The following MYO16 variants were observed in gnomAD, a reference collection of about 807,000 sequenced individuals.
MYO16 encodes unconventional myosin-XVI.
A neutral mutation model predicts 205.3 loss-of-function variants in MYO16; 94 were observed. The observed-to-expected ratio is 0.46, with a 90% CI of 0.39 to 0.54. The LOEUF (loss-of-function observed/expected upper bound fraction) is 0.54. Ranked by LOEUF, MYO16 falls within the 20% of genes least tolerant of loss-of-function variation. The pLI is 0.00. For synonymous variants in MYO16, 988 were observed against 954.0 expected (o/e 1.04, Z -0.66); for missense variants, 2,315 against 2,387.5 (o/e 0.97, Z 0.63).
At chr13:108,517,465 A>G in the MYO16 span, among the ~76,000 whole-genome samples, 178 of 152,318 alleles carry the variant, frequency 1.2e-3, 1 homozygote, top group Admixed American at 2.7e-3. Flanking sequence ...CAAAATATCA[A>G]TGGTGCATGT....
chr13:108,822,731 C>G (rs552989040), intron 8 of MYO16, among the ~76,000 whole-genome samples: 2 of 152,242 alleles, frequency 1.3e-5, no homozygotes, highest in East Asian at 3.9e-4. Flanking sequence ...CAGTTACATG[C>G]TTTATAACCC....
At position 108,971,110 on chromosome 13, in the gene MYO16, A is replaced by G. The variant is rs977579018; in HGVS notation, c.2369+6208A>G. ...TTTTGCAAGCTCTAAAATTGGGCCT[A>G]TTTTATAACGCAGCACTTACATCCC... is the stretch of plus-strand genomic sequence containing the variant. On this transcript the variant is annotated intron_variant, in intron 20 of 34. Transcript: ENST00000457511. 2.6e-5 allele frequency among the ~76,000 whole-genome samples: 4 copies of G among 152,300 alleles called. No individual in the cohort carries two copies. The East Asian group carries it at 7.7e-4, about 29-fold the overall frequency.
intron 3 of MYO16, among the ~76,000 whole-genome samples, chr13:108,713,899 A>G (rs1883820934): frequency 6.6e-6 from 1 of 152,110 alleles, no homozygotes; most frequent in Non-Finnish European, 1.5e-5. Flanking sequence ...AGATCCTCAT[A>G]TGGCTTCCAT....
intron 6 of MYO16, among the ~76,000 whole-genome samples, chr13:108,798,831 G>T (rs1041764946): frequency 7.0e-4 from 101 of 143,334 alleles, no homozygotes; most frequent in African/African-American, 2.6e-3. Flanking sequence ...TCAGCCTCCC[G>T]AGTAGCTGGG....
chr13:108,811,559 C>A (rs114699953), intron 7 of MYO16, among the ~76,000 whole-genome samples: 2,229 of 132,510 alleles, frequency 0.017, 22 homozygotes, highest in Non-Finnish European at 0.028. Flanking sequence ...AAAAAAAAAA[C>A]CATCATCTTC....
chr13:109,148,031 T>C (rs1248017146), intron 32 of MYO16, among the ~76,000 whole-genome samples: 1 of 152,088 alleles, frequency 6.6e-6, no homozygotes, highest in African/African-American at 2.4e-5. Context: ...GGATTTTTTT[T>C]CTAATTTCTT....
intron 10 of MYO16, among the ~76,000 whole-genome samples, chr13:108,848,825 A>C (rs1177998141): frequency 1.3e-5 from 2 of 152,190 alleles, no homozygotes; most frequent in African/African-American, 4.8e-5. Context: ...GACGAAAAAA[A>C]GTTAAGCAAA....
intron 13 of MYO16, among the ~76,000 whole-genome samples, 176 bp from the exon 14 acceptor site, chr13:108,888,196 G>A (rs1879993112): frequency 2.0e-5 from 3 of 152,110 alleles, no homozygotes; most frequent in South Asian, 4.1e-4. Context: ...AAGTGTGAAC[G>A]GAGACCACAA....
intron 4 of MYO16, among the ~76,000 whole-genome samples, chr13:108,756,957 A>G (rs1245856503): frequency 6.6e-6 from 1 of 152,248 alleles, no homozygotes. Context: ...AACTTGCTGT[A>G]CTAAAATTTA....
chr13:108,763,209 C>T (rs1353002839), intron 4 of MYO16, among the ~76,000 whole-genome samples: 1 of 152,156 alleles, frequency 6.6e-6, no homozygotes, highest in African/African-American at 2.4e-5. Context: ...CTGTCTTAAA[C>T]ATTGATATAC....
chr13:109,157,242 C>CAAA (rs56176251), intron 32 of MYO16, among the ~76,000 whole-genome samples: 10 of 108,166 alleles, frequency 9.2e-5, no homozygotes, highest in African/African-American at 1.7e-4. Context: ...TTAGTATTTA[C>CAAA]AAAAAAAAAA....
At chr13:108,657,427 G>A (rs1228788263) in intron 1 of MYO16, among the ~76,000 whole-genome samples, 1 of 152,160 alleles carries the variant, frequency 6.6e-6, no homozygotes, top group African/African-American at 2.4e-5. Flanking sequence ...TTTTTTTAAT[G>A]AATGCTATAC....
chr13:109,009,736 ACT>A (rs1594466092), intron 22 of MYO16, among the ~76,000 whole-genome samples: 1 of 152,064 alleles, frequency 6.6e-6, no homozygotes, highest in Non-Finnish European at 1.5e-5. Context: ...GTCATTCTTT[ACT>A]CTCTTTCCAT....
At chr13:108,849,177 T>TTTTTTG (rs553138076) in intron 10 of MYO16, among the ~76,000 whole-genome samples, 17 of 93,834 alleles carry the variant, frequency 1.8e-4, no homozygotes, top group East Asian at 7.2e-4. Context: ...TTTTTTCTGT[T>TTTTTTG]TTTTTGTTTT....
rs146955371 is a variant in MYO16, at chr13:109,040,385, CAGAGAGAG to C, written c.2797-6507_2797-6500del. 7.1e-3 allele frequency among the ~76,000 whole-genome samples: 801 copies of C among 113,278 alleles called. 5 individuals are homozygous for C. The highest frequency in any genetic ancestry group is 9.0e-3 in the Non-Finnish European group (511 of 56,590). 74.3% of individuals were successfully genotyped at this position (113,278 alleles called of 152,430 possible). On this transcript the variant is annotated intron_variant, in intron 23 of 34. Coordinates refer to ENST00000457511, the MANE Select transcript of MYO16 (RefSeq NM_001198950.3). ...ATACACACACACACACACACACACA[CAGAGAGAG>C]AGAGAGAGAGAGAGAGAGAGAGAAA...
At chr13:109,033,367 C>G (rs1020309500) in intron 23 of MYO16, among the ~76,000 whole-genome samples, 1 of 152,154 alleles carries the variant, frequency 6.6e-6, no homozygotes, top group Admixed American at 6.5e-5. Context: ...CCCTTTGCCT[C>G]GATCTGTCAG....
At chr13:109,053,319 G>A (rs1328653704) in intron 25 of MYO16, among the ~76,000 whole-genome samples, 1 of 148,570 alleles carries the variant, frequency 6.7e-6, no homozygotes, top group Non-Finnish European at 1.5e-5. Context: ...ATGAGTGTGA[G>A]TGAGTGTGAG....
intron 28 of MYO16, among the ~76,000 whole-genome samples, chr13:109,119,349 G>C (rs1875874823): frequency 6.6e-6 from 1 of 152,212 alleles, no homozygotes; most frequent in Non-Finnish European, 1.5e-5. Flanking sequence ...AATGGTGTTT[G>C]TCTCAAGTGC....
At chr13:108,924,602 C>T (rs550497933) in intron 16 of MYO16, among the ~76,000 whole-genome samples, 12 of 152,292 alleles carry the variant, frequency 7.9e-5, no homozygotes, top group Admixed American at 4.6e-4. Context: ...TGTTCCCAGA[C>T]GTACCCTGCT....
Sources: allele counts gnomAD v4.1 joint callset (sites outside exome capture counted in the v4.1 genomes callset), GRCh38; gene constraint gnomAD v4.1.1; transcripts MANE v1.5; gene names NCBI Gene and HGNC (gene_info 2026-07-23, HGNC 2026-07-21).